The following KBTBD2 variants were observed in gnomAD, a reference collection of about 807,000 sequenced individuals.
KBTBD2 encodes kelch repeat and BTB domain containing 2.
Under a neutral mutation model 57.1 loss-of-function variants are expected in KBTBD2, and 17 were observed. The ratio of observed to expected loss-of-function variants is 0.30; its 90% CI spans 0.20 to 0.45. The LOEUF (loss-of-function observed/expected upper bound fraction) is 0.45. KBTBD2 is among the 20% of genes least tolerant of loss of function. The pLI, the probability that KBTBD2 is intolerant of heterozygous loss-of-function variation, is 1.00. For missense variants in KBTBD2, 515 were observed against 750.6 expected, an observed-to-expected ratio of 0.69 and a Z score of 3.67; for synonymous variants, 267 against 262.7, an observed-to-expected ratio of 1.02 and a Z score of -0.16.
intron 1 of KBTBD2, among the ~76,000 whole-genome samples, chr7:32,890,795 C>G (rs1472255508): frequency 6.6e-6 from 1 of 152,170 alleles, no homozygotes; most frequent in East Asian, 1.9e-4. Context: ...GGACGCTCCT[C>G]TACCTTTTGA....
rs7796777 is a variant in KBTBD2, at chr7:32,888,232, C to T, written c.-339+3304G>A. ...ATTTTTCCTTTTTTTTTCCTTTTCTCACATATTTTGATGGTACAAATAATG... is the reference window on the plus strand; with the variant it reads ...ATTTTTCCTTTTTTTTTCCTTTTCTTACATATTTTGATGGTACAAATAATG... On this transcript the variant is annotated intron_variant, in intron 1 of 3. Transcript: ENST00000304056. 1.3e-3 allele frequency among the ~76,000 whole-genome samples: 196 copies of T among 151,560 alleles called. 1 individual carries two copies. Among genetic ancestry groups the T allele is most frequent in the African/African-American group, 4.6e-3 (191 of 41,304 alleles).
intron 1 of KBTBD2, among the ~76,000 whole-genome samples, chr7:32,882,066 A>G (rs911077246): frequency 1.4e-5 from 2 of 139,330 alleles, no homozygotes; most frequent in Non-Finnish European, 3.1e-5. Flanking sequence ...TTTTACTAGC[A>G]AAGATTTTTT....
chr7:32,882,080 T>G (rs1784458107), intron 1 of KBTBD2, among the ~76,000 whole-genome samples: 1 of 152,204 alleles, frequency 6.6e-6, no homozygotes, highest in South Asian at 2.1e-4. Context: ...ATTTTTTTTT[T>G]TTAACAACTT....
intron 1 of KBTBD2, chr7:32,890,869 C>T (rs1276700007): frequency 6.6e-6 from 1 of 152,186 alleles, no homozygotes; most frequent in East Asian, 1.9e-4. Context: ...AAAATAACCG[C>T]CCCACACCAA....
At chr7:32,882,964 C>G (rs11970876) in intron 1 of KBTBD2, among the ~76,000 whole-genome samples, 148,828 of 152,382 alleles carry the variant, frequency 0.98, 72,788 homozygotes, top group East Asian at 1. Flanking sequence ...CAGCCCAAGT[C>G]ACAGAGCAAG....
At chr7:32,890,019 T>C (rs1341961638) in intron 1 of KBTBD2, among the ~76,000 whole-genome samples, 1 of 152,250 alleles carries the variant, frequency 6.6e-6, no homozygotes, top group Non-Finnish European at 1.5e-5. Flanking sequence ...TTACATGCCC[T>C]GTGAATAACA....
intron 1 of KBTBD2, among the ~76,000 whole-genome samples, chr7:32,882,039 C>T (rs1784456703): frequency 2.0e-5 from 3 of 151,724 alleles, no homozygotes; most frequent in Admixed American, 6.6e-5. Context: ...TATAGCCTCA[C>T]GTTACTTCAG....
In KBTBD2 at chr7:32,873,055, C is replaced by T. The variant is rs142691893; in HGVS notation, c.336+1937G>A. Among the ~76,000 whole-genome samples, 23 of 152,174 alleles carry T rather than the reference C, an allele frequency of 1.5e-4. No individual in the cohort carries two copies. In the East Asian group the frequency reaches 3.5e-3, roughly 23 times the overall value. ...TTTATTAAGTACTTAACAAATATCACGAACAGTGCTCTCCAAATTTAACCT... is the reference window on the plus strand; with the variant it reads ...TTTATTAAGTACTTAACAAATATCATGAACAGTGCTCTCCAAATTTAACCT... On this transcript the variant is annotated intron_variant, in intron 3 of 3. Transcript: ENST00000304056.
chr7:32,887,983 G>C (rs915183935), intron 1 of KBTBD2, among the ~76,000 whole-genome samples: 5 of 152,138 alleles, frequency 3.3e-5, no homozygotes, highest in Admixed American at 3.3e-4. Flanking sequence ...CCACCCACTG[G>C]TGAAGCTTTT....
chr7:32,891,572 A>C lies in KBTBD2; in HGVS notation c.-375T>G, dbSNP rs1032559477. The stretch of plus-strand genomic sequence containing the variant: ...GGTCCGGAGGTGTGGGATCCGCTCC[A>C]GCCGGTGGCCCCGTCCACACTGGGC... On this transcript the variant is annotated 5_prime_UTR_variant, in exon 1 of 4. Coordinates refer to ENST00000304056, the MANE Select transcript of KBTBD2 (RefSeq NM_015483.3). The C allele has an allele frequency of 6.7e-6, 1 of 149,710 alleles. No individual in the cohort carries two copies. Among genetic ancestry groups the C allele is most frequent in the Non-Finnish European group, 1.5e-5 (1 of 67,404 alleles). 9.3% of individuals were successfully genotyped at this position (149,710 alleles called of 1,614,324 possible).
rs1020455758 is a variant in KBTBD2 at position 32,879,854 on chromosome 7, T to C, written c.-250A>G. 15 of 397,604 alleles carry C rather than the reference T, an allele frequency of 3.8e-5. No homozygotes were observed. The highest frequency in any genetic ancestry group is 2.5e-4 in the East Asian group (5 of 20,212). The allele number at this position is 397,604 out of a possible 1,614,324, so 24.6% of individuals were successfully genotyped here. A position where few individuals can be genotyped will look rare whatever the true frequency, so the allele number is the denominator to read the frequency against. ...AGTCTGCAGACATTGTGCTCAAATCTGCAATTGTGCAGCTCATGAGTGAAA... is the reference window on the plus strand; with the variant it reads ...AGTCTGCAGACATTGTGCTCAAATCCGCAATTGTGCAGCTCATGAGTGAAA... On this transcript the variant is annotated 5_prime_UTR_variant, in exon 2 of 4. Transcript: ENST00000304056.
intron 1 of KBTBD2, among the ~76,000 whole-genome samples, chr7:32,890,562 G>C (rs925933017): frequency 2.0e-5 from 3 of 152,212 alleles, no homozygotes; most frequent in African/African-American, 7.2e-5. Flanking sequence ...ATTTTGGTCA[G>C]TGCACAGCGT....
rs1167067541 is a variant in KBTBD2, at chr7:32,879,449, A to G, written c.156T>C (p.Cys52=). 6.2e-7 allele frequency: 1 copy of G among 1,609,346 alleles called. No individual in the cohort carries two copies. Among genetic ancestry groups the G allele is most frequent in the Non-Finnish European group, 8.5e-7 (1 of 1,176,374 alleles). ...FPCHKMVLAT[C]SSYFRAMFMS... ...AAAGTACTTACCTGAAATAAGAGCTACATGTTGCAAGAACCATCTTATGAC... is the reference window on the plus strand; with the variant it reads ...AAAGTACTTACCTGAAATAAGAGCTGCATGTTGCAAGAACCATCTTATGAC... The change falls in exon 2 of 4, where the codon TGT becomes TGC. Residue 52 remains cysteine, a synonymous_variant. Coordinates refer to ENST00000304056, the MANE Select transcript of KBTBD2 (RefSeq NM_015483.3).
chr7:32,878,319 G>A (rs1354370226), intron 2 of KBTBD2, among the ~76,000 whole-genome samples: 3 of 151,792 alleles, frequency 2.0e-5, no homozygotes, highest in Non-Finnish European at 4.4e-5. Flanking sequence ...AGTGGCTCAC[G>A]CCTGTAATCC....
intron 2 of KBTBD2, among the ~76,000 whole-genome samples, chr7:32,879,158 T>C (rs113280065): frequency 1.2e-3 from 67 of 55,724 alleles, no homozygotes; most frequent in African/African-American, 0.01. Flanking sequence ...TATCCCATTT[T>C]TCTTTCTCTT....
At position 32,874,714 on chromosome 7, in the gene KBTBD2, C is replaced by T. The variant is rs1784267048; in HGVS notation, c.336+278G>A. 6 of 252,214 alleles carry T rather than the reference C, an allele frequency of 2.4e-5. No homozygotes were observed. The South Asian group carries it at 3.4e-4, about 14-fold the overall frequency. The allele number at this position is 252,214 out of a possible 1,614,324, so 15.6% of individuals were successfully genotyped here. A position where few individuals can be genotyped will look rare whatever the true frequency, so the allele number is the denominator to read the frequency against. Reference sequence around the variant, plus strand: ...GAGTAAAAAAATGCTTACCTGTAGGCTGGACACAGTGGCTCACGCGTGTAA... The same window carrying T: ...GAGTAAAAAAATGCTTACCTGTAGGTTGGACACAGTGGCTCACGCGTGTAA... On this transcript the variant is annotated intron_variant, in intron 3 of 3. Transcript: ENST00000304056.
In KBTBD2 at chr7:32,879,651, C is replaced by T. The variant is rs1444645793; in HGVS notation, c.-47G>A. On this transcript the variant is annotated 5_prime_UTR_variant, in exon 2 of 4. Transcript: ENST00000304056. ...CCAGGAACAGATTAGAAAAGTCCGT[C>T]TTACTGATGGAAGGTCAAGTGAATA... 1.3e-6 allele frequency: 2 copies of T among 1,514,162 alleles called. No individual in the cohort carries two copies. The highest frequency in any genetic ancestry group is 1.8e-6 in the Non-Finnish European group (2 of 1,100,404). The allele number at this position is 1,514,162 out of a possible 1,614,324, so 93.8% of individuals were successfully genotyped here. A position where few individuals can be genotyped will look rare whatever the true frequency, so the allele number is the denominator to read the frequency against.
At chr7:32,880,741 T>C (rs1562535602) in intron 1 of KBTBD2, among the ~76,000 whole-genome samples, 1 of 152,190 alleles carries the variant, frequency 6.6e-6, no homozygotes, top group Non-Finnish European at 1.5e-5. Flanking sequence ...AGGGCAAGTT[T>C]TTAATGATTT....
intron 1 of KBTBD2, among the ~76,000 whole-genome samples, chr7:32,885,689 A>T (rs1784561873): frequency 6.6e-6 from 1 of 152,208 alleles, no homozygotes; most frequent in African/African-American, 2.4e-5. Context: ...AACCAGCATA[A>T]GAATTAAATT....
Sources: gnomAD v4.1 joint callset for allele counts (sites outside exome capture counted in the v4.1 genomes callset) on GRCh38, gnomAD v4.1.1 for gene constraint, MANE v1.5 for transcripts, NCBI Gene and HGNC (gene_info 2026-07-23, HGNC 2026-07-21) for gene names.